The following PCDHA4 variants were observed in gnomAD, a reference collection of about 807,000 sequenced individuals.
PCDHA4 encodes protocadherin alpha-4.
PCDHA4 carries 49 observed loss-of-function variants against 61.4 expected under a neutral mutation model. That is an observed-to-expected ratio of 0.80 (90% confidence interval 0.63 to 1.01). The LOEUF is 1.01. Ranked by LOEUF, PCDHA4 falls within the 50% of genes least tolerant of loss-of-function variation. PCDHA4 has a pLI of 0.00. For synonymous variants in PCDHA4, 590 were observed against 550.3 expected, an observed-to-expected ratio of 1.07 and a Z score of -1.01; for missense variants, 1,254 against 1,235.8, an observed-to-expected ratio of 1.01 and a Z score of -0.22.
At chr5:140,921,134 C>G (rs2080042608) in intron 1 of PCDHA4, among the ~76,000 whole-genome samples, 1 of 111,400 alleles carries the variant, frequency 9.0e-6, no homozygotes, top group African/African-American at 3.7e-5. Flanking sequence ...GTGCACACCA[C>G]TACACCCAGC....
chr5:140,871,445 A>C, intron 1 of PCDHA4: 1 of 1,609,986 alleles, frequency 6.2e-7, no homozygotes, highest in Non-Finnish European at 8.5e-7. Flanking sequence ...GGTCTGAATA[A>C]AGAGGAGGAA....
chr5:140,851,986 C>T, intron 1 of PCDHA4: 1 of 976,230 alleles, frequency 1.0e-6, no homozygotes, highest in Non-Finnish European at 1.2e-6. Context: ...TTAGTGCAAG[C>T]TATTTGTTTG....
At chr5:140,999,033 G>A (rs1029128098) in intron 3 of PCDHA4, among the ~76,000 whole-genome samples, 6 of 152,148 alleles carry the variant, frequency 3.9e-5, no homozygotes, top group African/African-American at 1.4e-4. Context: ...TTGATACTTC[G>A]TCCAGTGTGC....
intron 1 of PCDHA4, among the ~76,000 whole-genome samples, chr5:140,915,075 A>G (rs111889109): frequency 6.6e-6 from 1 of 151,436 alleles, no homozygotes; most frequent in South Asian, 2.1e-4. Context: ...CCTACTGAGT[A>G]GCTGGGACTA....
At chr5:140,883,989 G>C (rs1554180956) in intron 1 of PCDHA4, 1 of 1,612,834 alleles carries the variant, frequency 6.2e-7, no homozygotes, top group Non-Finnish European at 8.5e-7. Flanking sequence ...GGCAGCGCGG[G>C]AGGCACAGTG....
Position 140,807,076 on chromosome 5 carries a change from T to A in PCDHA4, c.-112T>A, listed in dbSNP as rs1013702892. The A allele has an allele frequency of 4.0e-6, 5 of 1,236,742 alleles. No homozygotes were observed. The African/African-American group carries it at 7.5e-5, about 19-fold the overall frequency. 76.6% of individuals were successfully genotyped at this position (1,236,742 alleles called of 1,614,324 possible). ...TCTTACTGGAAGGAACCATATACAC[T>A]CTTTGGAGTCTGAAATATGGAGGAT... On this transcript the variant is annotated 5_prime_UTR_variant, in exon 1 of 4. Coordinates refer to ENST00000530339, the MANE Select transcript of PCDHA4 (RefSeq NM_018907.4).
At chr5:140,826,562 A>G (rs2150144174) in intron 1 of PCDHA4, among the ~76,000 whole-genome samples, 15 of 152,154 alleles carry the variant, frequency 9.9e-5, no homozygotes, top group Non-Finnish European at 1.8e-4. Context: ...CCTTTGAAGG[A>G]GGGGTTTAAT....
chr5:140,900,734 G>C (rs2068260899), intron 1 of PCDHA4, among the ~76,000 whole-genome samples: 1 of 152,200 alleles, frequency 6.6e-6, no homozygotes, highest in African/African-American at 2.4e-5. Flanking sequence ...CTAGCAGTGG[G>C]ATTTCTGGAT....
chr5:140,951,237 T>G (rs1405165070), intron 1 of PCDHA4, among the ~76,000 whole-genome samples: 2 of 152,200 alleles, frequency 1.3e-5, no homozygotes, highest in African/African-American at 4.8e-5. Flanking sequence ...GTCTTTACCT[T>G]TAGGAATGCA....
At chr5:140,878,897 A>G (rs1366976155) in intron 1 of PCDHA4, among the ~76,000 whole-genome samples, 1 of 152,232 alleles carries the variant, frequency 6.6e-6, no homozygotes, top group Non-Finnish European at 1.5e-5. Context: ...GACTACAGGC[A>G]GGCTCCACCA....
intron 1 of PCDHA4, chr5:140,869,884 G>C: frequency 1.9e-6 from 3 of 1,610,396 alleles, no homozygotes; most frequent in Non-Finnish European, 2.5e-6. Context: ...AGAAACTCTT[G>C]TGCTCAAACT....
intron 1 of PCDHA4, chr5:140,834,480 T>C: frequency 1.2e-6 from 2 of 1,614,154 alleles, no homozygotes; most frequent in Non-Finnish European, 8.5e-7. Flanking sequence ...CCAGCTCCAC[T>C]ACTCGGTCCC....
chr5:140,906,644 T>C (rs1167181721), intron 1 of PCDHA4, among the ~76,000 whole-genome samples: 3 of 152,232 alleles, frequency 2.0e-5, no homozygotes, highest in Admixed American at 6.5e-5. Flanking sequence ...CAGCAGGTAG[T>C]GGTTTTTTCC....
chr5:140,929,443 T>C, intron 1 of PCDHA4: 1 of 1,426,882 alleles, frequency 7.0e-7, no homozygotes, highest in Non-Finnish European at 9.3e-7. Flanking sequence ...AAACACTCCT[T>C]CTTAGCACTT....
intron 1 of PCDHA4, among the ~76,000 whole-genome samples, chr5:140,885,555 C>T (rs1225816980): frequency 3.3e-5 from 5 of 151,940 alleles, no homozygotes; most frequent in South Asian, 2.1e-4. Flanking sequence ...GTTATTTCTA[C>T]GAAATTGATT....
chr5:141,004,024 C>T (rs1380291199), intron 3 of PCDHA4, among the ~76,000 whole-genome samples: 1 of 152,210 alleles, frequency 6.6e-6, no homozygotes, highest in African/African-American at 2.4e-5. Context: ...AAAGAAGAAA[C>T]ATTTCCTTGA....
rs540996422 is a variant in PCDHA4, at chr5:140,809,106, C to T, written c.1919C>T (p.Thr640Met). Residue 640 changes from threonine (T) to methionine (M), a missense_variant, in exon 1 of 4, where the codon ACG becomes ATG. Thr to Met is a moderately conservative substitution (Grantham distance 81, BLOSUM62 -1). Transcript: ENST00000530339. ...AGCACAACGCGTGCCCTGGACGAAA[C>T]GGACGCTCCGCGCCACCGCCTACTG... Reference protein sequence around the residue: ...EISTTRALDETDAPRHRLLVL... With the variant: ...EISTTRALDEMDAPRHRLLVL... 3.3e-5 allele frequency: 54 copies of T among 1,613,952 alleles called. No individual in the cohort carries two copies. Among genetic ancestry groups the T allele is most frequent in the Admixed American group, 6.7e-5 (4 of 60,030 alleles).
intron 1 of PCDHA4, chr5:140,860,323 G>C (rs782283348): frequency 2.6e-5 from 4 of 152,078 alleles, no homozygotes; most frequent in Non-Finnish European, 5.9e-5. Flanking sequence ...TGAGGCTGCA[G>C]TGACCCATGA....
intron 1 of PCDHA4, chr5:140,829,624 C>T (rs2150171535): frequency 8.4e-5 from 136 of 1,612,064 alleles, no homozygotes; most frequent in Non-Finnish European, 1.1e-4. Flanking sequence ...TTTCGGTGCA[C>T]GCGGAGAGCG....
Sources: allele counts gnomAD v4.1 joint callset (sites outside exome capture counted in the v4.1 genomes callset), GRCh38; gene constraint gnomAD v4.1.1; transcripts MANE v1.5; gene names NCBI Gene and HGNC (gene_info 2026-07-23, HGNC 2026-07-21).